Variants in GNAT3 observed in about 807,000 individuals in gnomAD.
GNAT3 encodes the protein guanine nucleotide-binding protein G(t) subunit alpha-3.
Under a neutral mutation model 37.7 loss-of-function variants are expected in GNAT3, and 31 were observed. The observed-to-expected ratio is 0.82, with a 90% confidence interval of 0.62 to 1.11. GNAT3 has a LOEUF of 1.11. GNAT3 is among the 50% of genes most tolerant of loss of function. The probability of loss-of-function intolerance (pLI) is 0.00; values close to 1 mark genes in which losing one functional copy is unlikely to be tolerated. For synonymous variants in GNAT3, 138 were observed against 139.8 expected, an observed-to-expected ratio of 0.99 and a Z score of 0.09; for missense variants, 437 against 412.5, an observed-to-expected ratio of 1.06 and a Z score of -0.51.
At chr7:80,465,069 AT>A in intron 5 of GNAT3, among the ~76,000 whole-genome samples, 1 of 152,272 alleles carries the variant, frequency 6.6e-6, no homozygotes. Context: ...AATACATTTA[AT>A]TTTTAAAAAT....
intron 7 of GNAT3, 43 bp downstream of exon 7, chr7:80,462,116 T>C: frequency 8.2e-7 from 1 of 1,224,820 alleles, no homozygotes; most frequent in South Asian, 1.4e-5. Context: ...TATATATTTA[T>C]ACAAAAATTT....
intron 1 of GNAT3, among the ~76,000 whole-genome samples, chr7:80,494,957 C>T (rs1790687706): frequency 6.6e-6 from 1 of 152,124 alleles, no homozygotes; most frequent in Admixed American, 6.5e-5. Flanking sequence ...CACTGTTTAG[C>T]TCCCACTTAT....
intron 3 of GNAT3, among the ~76,000 whole-genome samples, chr7:80,482,589 C>T (rs1790409208): frequency 6.6e-6 from 1 of 151,726 alleles, no homozygotes; most frequent in Non-Finnish European, 1.5e-5. Flanking sequence ...CCTAGGCTCA[C>T]TTCAACCTCC....
At chr7:80,461,155 C>G (rs1035199067) in intron 7 of GNAT3, among the ~76,000 whole-genome samples, 2 of 151,748 alleles carry the variant, frequency 1.3e-5, no homozygotes, top group African/African-American at 4.8e-5. Context: ...TGTAGGTTGA[C>G]CAATGTAAGT....
intron 3 of GNAT3, among the ~76,000 whole-genome samples, chr7:80,481,748 C>T (rs995619580): frequency 6.6e-6 from 1 of 152,070 alleles, no homozygotes; most frequent in Non-Finnish European, 1.5e-5. Flanking sequence ...CATCTATTGC[C>T]TCTAAGGGTG....
intron 2 of GNAT3, among the ~76,000 whole-genome samples, chr7:80,489,560 CT>C (rs1790552717): frequency 1.3e-5 from 2 of 152,032 alleles, no homozygotes; most frequent in South Asian, 4.1e-4. Flanking sequence ...TCTTTAATGT[CT>C]TTGAAGATAT....
Position 80,458,818 on chromosome 7 carries a change from C to T in GNAT3, c.918G>A (p.Gln306=), listed in dbSNP as rs1205293302. ...CTTTTTTTAAATTCAGGTCTAGAAA[C>T]TGGTTCTTGATGTAGTTTCCTGCAT... ...FEDAGNYIKN[Q]FLDLNLKKED... Residue 306 remains glutamine (Q), a synonymous_variant, in exon 8 of 8, where the codon CAG becomes CAA. Coordinates refer to ENST00000398291, the MANE Select transcript of GNAT3 (RefSeq NM_001102386.3). 1 of 1,594,910 alleles carries T rather than the reference C, an allele frequency of 6.3e-7. No homozygotes were observed. The highest frequency in any genetic ancestry group is 8.5e-7 in the Non-Finnish European group (1 of 1,171,652).
chr7:80,485,197 G>A (rs1790456493), intron 3 of GNAT3, among the ~76,000 whole-genome samples: 1 of 149,860 alleles, frequency 6.7e-6, no homozygotes. Context: ...CTCTTCCCTA[G>A]ACTCTGTTAT....
intron 1 of GNAT3, among the ~76,000 whole-genome samples, chr7:80,505,207 A>G (rs887850697): frequency 6.6e-6 from 1 of 152,184 alleles, no homozygotes; most frequent in African/African-American, 2.4e-5. Flanking sequence ...GTAGAAGATT[A>G]CGGAGGTGAA....
chr7:80,494,859 AT>A (rs1264673951), intron 1 of GNAT3, among the ~76,000 whole-genome samples: 1 of 151,818 alleles, frequency 6.6e-6, no homozygotes, highest in Non-Finnish European at 1.5e-5. Flanking sequence ...CCAACAGGTA[AT>A]TTTTTTCATT....
At chr7:80,471,345 C>CT in intron 5 of GNAT3, among the ~76,000 whole-genome samples, 1 of 151,732 alleles carries the variant, frequency 6.6e-6, no homozygotes. Flanking sequence ...AAGATCAATA[C>CT]TTTTTATCCT....
chr7:80,501,000 T>C (rs1790822396), intron 1 of GNAT3, among the ~76,000 whole-genome samples: 1 of 152,100 alleles, frequency 6.6e-6, no homozygotes, highest in African/African-American at 2.4e-5. Context: ...CCTGCCATTG[T>C]CTTTGTCAAA....
intron 2 of GNAT3, among the ~76,000 whole-genome samples, chr7:80,494,346 A>T: frequency 6.6e-6 from 1 of 152,218 alleles, no homozygotes; most frequent in East Asian, 1.9e-4. Flanking sequence ...TCCCCAGATT[A>T]ATATGACTAA....
At chr7:80,481,398 G>A (rs905423200) in intron 3 of GNAT3, among the ~76,000 whole-genome samples, 2 of 152,060 alleles carry the variant, frequency 1.3e-5, no homozygotes, top group Admixed American at 1.3e-4. Flanking sequence ...TGCCTCATTA[G>A]GCCCTCCTCC....
At chr7:80,497,586 A>ACATATACGTATATG (rs1554317475) in intron 1 of GNAT3, among the ~76,000 whole-genome samples, 6,022 of 118,642 alleles carry the variant, frequency 0.051, 719 homozygotes, top group Non-Finnish European at 0.079. Flanking sequence ...ATACGTATAT[A>ACATATACGTATATG]CATATACGTA....
intron 5 of GNAT3, among the ~76,000 whole-genome samples, chr7:80,470,601 T>C (rs1790198169): frequency 5.3e-5 from 8 of 152,160 alleles, no homozygotes. Flanking sequence ...GCATTCATAC[T>C]GTAATAGAGA....
intron 1 of GNAT3, among the ~76,000 whole-genome samples, chr7:80,498,964 A>G (rs1044357529): frequency 1.3e-5 from 2 of 152,208 alleles, no homozygotes; most frequent in East Asian, 1.9e-4. Context: ...CCCAATATTT[A>G]TACATGTAAC....
rs976869800 is a variant in GNAT3 at position 80,500,429 on chromosome 7, T to G, written c.119-5782A>C. ...GTAGAGGTTATTTGGAAGTCTGACT[T>G]GGTTTTGTCACTATATCCTTCCAAA... is the stretch of plus-strand genomic sequence containing the variant. On this transcript the variant is annotated intron_variant, in intron 1 of 7. Coordinates refer to ENST00000398291, the MANE Select transcript of GNAT3 (RefSeq NM_001102386.3). Among the ~76,000 whole-genome samples, 5 of 152,138 alleles carry G rather than the reference T, an allele frequency of 3.3e-5. No homozygotes were observed. The East Asian group carries it at 7.7e-4, about 23-fold the overall frequency.
rs768115391 is a variant in GNAT3 at position 80,488,607 on chromosome 7, T to C, written c.231A>G (p.Thr77=). The C allele has an allele frequency of 3.1e-6, 5 of 1,593,984 alleles. 1 individual carries two copies. The highest frequency in any genetic ancestry group is 4.5e-5 in the East Asian group (2 of 44,348). The change falls in exon 3 of 8, where the codon ACA becomes ACG. Residue 77 remains threonine (T), a synonymous_variant. Transcript: ENST00000398291. ...MEFKAVIYSN[T]LQSILAIVKA... is the part of the protein sequence containing the mutation. ...TCACAATAGCTAGGATGGATTGCAA[T>C]GTATTACTGTAAATTACTGCTTTGA...
Sources: allele counts gnomAD v4.1 joint callset (sites outside exome capture counted in the v4.1 genomes callset), GRCh38; gene constraint gnomAD v4.1.1; transcripts MANE v1.5; gene names NCBI Gene and HGNC (gene_info 2026-07-23, HGNC 2026-07-21).